The following TRPC1 variants were observed in gnomAD, a reference collection of about 807,000 sequenced individuals.
TRPC1 encodes the protein transient receptor potential cation channel subfamily C member 1, also known as short transient receptor potential channel 1.
Under a neutral mutation model 88.2 loss-of-function variants are expected in TRPC1, and 42 were observed. That is an observed-to-expected ratio of 0.48 (90% confidence interval 0.37 to 0.62). The LOEUF is 0.62. Among genes scored for constraint, TRPC1 ranks in the 20% least tolerant of loss-of-function variants. TRPC1 has a pLI of 0.00. For synonymous variants in TRPC1, 288 were observed against 331.8 expected, an observed-to-expected ratio of 0.87 and a Z score of 1.43; for missense variants, 699 against 957.3, an observed-to-expected ratio of 0.73 and a Z score of 3.56.
At chr3:142,752,472 G>T (rs552040466) in intron 4 of TRPC1, among the ~76,000 whole-genome samples, 2 of 152,282 alleles carry the variant, frequency 1.3e-5, no homozygotes, top group African/African-American at 4.8e-5. Flanking sequence ...CCACAGGGCA[G>T]CTTTTCTCCT....
intron 4 of TRPC1, among the ~76,000 whole-genome samples, chr3:142,756,139 CT>C (rs1934951789): frequency 6.6e-6 from 1 of 152,080 alleles, no homozygotes; most frequent in South Asian, 2.1e-4. Context: ...ATAGTACCAC[CT>C]TTTATTTATC....
At chr3:142,770,093 C>CTTTTTTTTTTTTTTTTTTTTTTTT (rs779905124) in intron 4 of TRPC1, among the ~76,000 whole-genome samples, 1 of 95,262 alleles carries the variant, frequency 1.0e-5, no homozygotes, top group African/African-American at 4.8e-5. Flanking sequence ...TTGTATGTTC[C>CTTTTTTTTTTTTTTTTTTTTTTTT]TTTTTTTTTT....
chr3:142,751,081 A>C (rs908419138), intron 4 of TRPC1, among the ~76,000 whole-genome samples: 5 of 152,228 alleles, frequency 3.3e-5, no homozygotes, highest in African/African-American at 1.2e-4. Context: ...AAGTTTACAA[A>C]ATAAAAAAAT....
At chr3:142,748,800 A>G (rs760812095) in intron 4 of TRPC1, among the ~76,000 whole-genome samples, 3 of 152,212 alleles carry the variant, frequency 2.0e-5, no homozygotes, top group Non-Finnish European at 4.4e-5. Context: ...TATCTCATTT[A>G]TAAAGAAATC....
At chr3:142,749,202 G>C (rs1033509195) in intron 4 of TRPC1, among the ~76,000 whole-genome samples, 1 of 152,128 alleles carries the variant, frequency 6.6e-6, no homozygotes, top group Non-Finnish European at 1.5e-5. Context: ...ACATCATAGT[G>C]CAACGCATTA....
Position 142,748,243 on chromosome 3 carries a change from A to G in TRPC1, c.430-15A>G, listed in dbSNP as rs1160497352. 7 of 1,599,524 alleles carry G rather than the reference A, an allele frequency of 4.4e-6. No homozygotes were observed. Among genetic ancestry groups the G allele is most frequent in the Admixed American group, 3.3e-5 (2 of 59,754 alleles). On this transcript the variant is annotated splice_polypyrimidine_tract_variant and intron_variant, in intron 3 of 12. Transcript: ENST00000476941. ...ACAAATAATAACTTTGGACATTTAT[A>G]TAAATATTTTTCAGAAACTAATGGA... is the stretch of plus-strand genomic sequence containing the variant.
chr3:142,757,384 G>A (rs1935012562), intron 4 of TRPC1, among the ~76,000 whole-genome samples: 1 of 151,948 alleles, frequency 6.6e-6, no homozygotes, highest in Admixed American at 6.6e-5. Context: ...ATTCACAATA[G>A]CAAAGACTAG....
intron 7 of TRPC1, among the ~76,000 whole-genome samples, chr3:142,788,155 A>G (rs973190028): frequency 1.3e-5 from 2 of 152,302 alleles, no homozygotes; most frequent in Non-Finnish European, 2.9e-5. Context: ...GGCAAGTGAC[A>G]TGATCAGTTT....
chr3:142,804,100 T>G lies in TRPC1; in HGVS notation c.1881T>G (p.Gly627=), dbSNP rs1352313460. 1 of 1,613,822 alleles carries G rather than the reference T, an allele frequency of 6.2e-7. No individual in the cohort carries two copies. Among genetic ancestry groups the G allele is most frequent in the Non-Finnish European group, 8.5e-7 (1 of 1,179,932 alleles). Residue 627 remains glycine (G), a synonymous_variant, in exon 11 of 13, where the codon GGT becomes GGG. Transcript: ENST00000476941. The part of the protein sequence containing the change: ...LQSFVGAVIV[G]TYNVVVVIVL... The stretch of plus-strand genomic sequence containing the variant: ...CCTTTGTGGGAGCTGTCATTGTTGG[T>G]ACATACAATGTCGTGGTTGTGATTG...
At chr3:142,747,997 T>TAGAGG (rs1934621030) in intron 3 of TRPC1, among the ~76,000 whole-genome samples, 1 of 152,162 alleles carries the variant, frequency 6.6e-6, no homozygotes, top group Non-Finnish European at 1.5e-5. Context: ...TTCTCACTTC[T>TAGAGG]TTGTTGGAAA....
At chr3:142,805,129 T>TACACACAC (rs71153991) in intron 12 of TRPC1, among the ~76,000 whole-genome samples, 76 of 95,316 alleles carry the variant, frequency 8.0e-4, no homozygotes, top group Non-Finnish European at 1.1e-3. Flanking sequence ...AATATATATA[T>TACACACAC]ACACACACAC....
rs865923921 is a variant in TRPC1 at position 142,733,887 on chromosome 3, T to C, written c.173-2492T>C. Among the ~76,000 whole-genome samples the C allele has an allele frequency of 2.0e-5, 3 of 151,994 alleles. No individual in the cohort carries two copies. The Middle Eastern group carries it at 0.01, about 517-fold the overall frequency. ...GCTGACACTATGGCTGCTCCATGGG[T>C]GGGGATAAGAGTTACTGTTCTGGGC... is the stretch of plus-strand genomic sequence containing the variant. On this transcript the variant is annotated intron_variant, in intron 1 of 12. Coordinates refer to ENST00000476941, the MANE Select transcript of TRPC1 (RefSeq NM_001251845.2).
chr3:142,785,454 C>T (rs1234087050), intron 7 of TRPC1, among the ~76,000 whole-genome samples: 2 of 152,086 alleles, frequency 1.3e-5, no homozygotes, highest in Admixed American at 6.5e-5. Flanking sequence ...TCATTTATAA[C>T]ATTAGTTTTC....
chr3:142,742,622 A>G (rs1261604007), intron 2 of TRPC1, among the ~76,000 whole-genome samples: 1 of 152,232 alleles, frequency 6.6e-6, no homozygotes, highest in African/African-American at 2.4e-5. Context: ...AATAGTTATT[A>G]ATGATTATAG....
Position 142,724,615 on chromosome 3 carries a change from T to A in TRPC1, c.56T>A (p.Leu19Gln). Residue 19 changes from leucine to glutamine, a missense_variant, in exon 1 of 13, where the codon CTG (leucine) becomes CAG (glutamine). By Grantham distance (113) the Leu-to-Gln change is moderately radical. Coordinates refer to ENST00000476941, the MANE Select transcript of TRPC1 (RefSeq NM_001251845.2). The surrounding 1 kb of genome is among the most constrained non-coding windows in gnomAD (Gnocchi z 5.6). ...CTCTCGGGCGCCTCCTCCTCCTCCCTGCCTTCCTCTCCATCCTCTTCCTCG... is the reference window on the plus strand; with the variant it reads ...CTCTCGGGCGCCTCCTCCTCCTCCCAGCCTTCCTCTCCATCCTCTTCCTCG... Reference protein sequence around the residue: ...TDLSGASSSSLPSSPSSSSPN... With the variant: ...TDLSGASSSSQPSSPSSSSPN... The A allele has an allele frequency of 6.2e-7, 1 of 1,609,740 alleles. No individual in the cohort carries two copies. Among genetic ancestry groups the A allele is most frequent in the Non-Finnish European group, 8.5e-7 (1 of 1,178,430 alleles).
intron 4 of TRPC1, among the ~76,000 whole-genome samples, chr3:142,771,194 T>C (rs181384603): frequency 6.8e-4 from 104 of 152,328 alleles, no homozygotes; most frequent in Non-Finnish European, 1.1e-3. Flanking sequence ...AATTTCAACA[T>C]GAGGTTTGGA....
At chr3:142,796,718 C>A (rs938441807) in intron 9 of TRPC1, among the ~76,000 whole-genome samples, 2 of 152,054 alleles carry the variant, frequency 1.3e-5, no homozygotes, top group Non-Finnish European at 2.9e-5. Flanking sequence ...TGGAGCACCA[C>A]AAAGTTAAGT....
Position 142,777,613 on chromosome 3 carries a change from G to C in TRPC1, c.633-19G>C, listed in dbSNP as rs747673551. The C allele has an allele frequency of 3.9e-6, 6 of 1,548,350 alleles. No individual in the cohort carries two copies. The highest frequency in any genetic ancestry group is 5.2e-6 in the Non-Finnish European group (6 of 1,144,064). On this transcript the variant is annotated intron_variant, in intron 4 of 12. Coordinates refer to ENST00000476941, the MANE Select transcript of TRPC1 (RefSeq NM_001251845.2). ...GTGTATAAGTTTATTTTACATTATG[G>C]AATCCAATTTTATCACAGGTTTCGT...
In TRPC1 at chr3:142,806,786, G is replaced by C. The variant is rs1296629060; in HGVS notation, c.*551G>C. 1 of 151,594 alleles carries C rather than the reference G, an allele frequency of 6.6e-6. No homozygotes were observed. The highest frequency in any genetic ancestry group is 1.5e-5 in the Non-Finnish European group (1 of 67,838). 9.4% of individuals were successfully genotyped at this position (151,594 alleles called of 1,614,324 possible). A position where few individuals can be genotyped will look rare whatever the true frequency, so the allele number is the denominator to read the frequency against. ...CAACAAAGAAAAAACCCTAATATTT[G>C]AATCTATTTATGTCTTTCAATTTAA... is the stretch of plus-strand genomic sequence containing the variant. On this transcript the variant is annotated 3_prime_UTR_variant, in exon 13 of 13. Transcript: ENST00000476941.
Sources: gnomAD v4.1 joint callset for allele counts (sites outside exome capture counted in the v4.1 genomes callset) on GRCh38, gnomAD v4.1.1 for gene constraint, Gnocchi (gnomAD v3.1) non-coding constraint, MANE v1.5 for transcripts, NCBI Gene and HGNC (gene_info 2026-07-23, HGNC 2026-07-21) for gene names.